PCDHA9: variants seen among roughly 807,000 people sequenced by gnomAD.
PCDHA9 encodes protocadherin alpha 9, also known as protocadherin alpha-9.
PCDHA9 carries 62 observed loss-of-function variants against 62.0 expected under a neutral mutation model. That is an observed-to-expected ratio of 1.00 (90% confidence interval 0.81 to 1.23). The LOEUF (loss-of-function observed/expected upper bound fraction) is 1.23. Among genes scored for constraint, PCDHA9 ranks in the 50% most tolerant of loss-of-function variants. PCDHA9 has a pLI of 0.00. For missense variants in PCDHA9, 1,205 were observed against 1,249.8 expected, an observed-to-expected ratio of 0.96 and a Z score of 0.54; for synonymous variants, 557 against 567.6, an observed-to-expected ratio of 0.98 and a Z score of 0.27.
chr5:140,927,733 C>T (rs782446148), intron 1 of PCDHA9: 7 of 1,614,198 alleles, frequency 4.3e-6, no homozygotes, highest in South Asian at 2.2e-5. Context: ...AGCAGAGCTG[C>T]GACACCGCTT....
intron 1 of PCDHA9, among the ~76,000 whole-genome samples, chr5:140,905,257 C>T (rs920530176): frequency 6.6e-6 from 1 of 152,168 alleles, no homozygotes; most frequent in African/African-American, 2.4e-5. Context: ...CCACATGAGG[C>T]TTGGCAGTTA....
intron 1 of PCDHA9, among the ~76,000 whole-genome samples, chr5:140,924,240 G>T (rs1554201838): frequency 2.6e-5 from 4 of 152,186 alleles, no homozygotes; most frequent in Non-Finnish European, 5.9e-5. Flanking sequence ...GGGCTGTTTT[G>T]CATCCTGGTG....
At chr5:140,955,506 G>A (rs781377705) in intron 1 of PCDHA9, among the ~76,000 whole-genome samples, 3 of 152,222 alleles carry the variant, frequency 2.0e-5, no homozygotes, top group South Asian at 2.1e-4. Flanking sequence ...GAAGAAAGAC[G>A]TGTTTGCTTT....
At chr5:140,949,963 A>G (rs1044562957) in intron 1 of PCDHA9, among the ~76,000 whole-genome samples, 1 of 151,750 alleles carries the variant, frequency 6.6e-6, no homozygotes, top group African/African-American at 2.4e-5. Context: ...TGCTGTAAGG[A>G]TTACAGCATA....
chr5:140,900,518 C>G (rs1444768233), intron 1 of PCDHA9, among the ~76,000 whole-genome samples: 1 of 152,228 alleles, frequency 6.6e-6, no homozygotes, highest in Admixed American at 6.5e-5. Flanking sequence ...CTCAGGTGAT[C>G]TGCCCACCTC....
chr5:140,864,848 T>A (rs1581726954), intron 1 of PCDHA9: 1 of 152,184 alleles, frequency 6.6e-6, no homozygotes, highest in Non-Finnish European at 1.5e-5. Flanking sequence ...AGTCTTCCCA[T>A]ACATGATGAA....
intron 1 of PCDHA9, among the ~76,000 whole-genome samples, chr5:140,894,883 A>ACC (rs1407725642): frequency 6.6e-6 from 1 of 152,200 alleles, no homozygotes; most frequent in African/African-American, 2.4e-5. Flanking sequence ...TTTAGAAGAA[A>ACC]CAGACCAGGA....
rs114567887 is a variant in PCDHA9, at chr5:140,974,104, T to G, written c.2395-4845T>G. The stretch of plus-strand genomic sequence containing the variant: ...GACTTCAAAAATCAAAGGTTAAAAG[T>G]ATTCTTTTGCAGTGTTTTAAATCTG... On this transcript the variant is annotated intron_variant, in intron 1 of 3. Coordinates refer to ENST00000532602, the MANE Select transcript of PCDHA9 (RefSeq NM_031857.2). Among the ~76,000 whole-genome samples, 1,327 of 152,364 alleles carry G rather than the reference T, an allele frequency of 8.7e-3. 24 individuals carry two copies. Among genetic ancestry groups the G allele is most frequent in the African/African-American group, 0.03 (1,240 of 41,584 alleles).
chr5:140,865,075 C>T (rs1441744566), intron 1 of PCDHA9: 2 of 152,110 alleles, frequency 1.3e-5, no homozygotes, highest in African/African-American at 4.8e-5. Flanking sequence ...AGTATAAGAA[C>T]CATGGGATAT....
At chr5:140,980,358 G>A (rs143597147) in intron 2 of PCDHA9, among the ~76,000 whole-genome samples, 260 of 152,274 alleles carry the variant, frequency 1.7e-3, no homozygotes, top group South Asian at 0.014. Context: ...TGGACTGGGC[G>A]CGGTGGCTCA....
chr5:140,901,301 G>A (rs990062811), intron 1 of PCDHA9, among the ~76,000 whole-genome samples: 11 of 152,112 alleles, frequency 7.2e-5, no homozygotes, highest in Non-Finnish European at 1.5e-4. Flanking sequence ...CTGATGTTCC[G>A]GAGAGTTTCC....
chr5:140,978,661 T>A (rs1035787381), intron 1 of PCDHA9, among the ~76,000 whole-genome samples: 15 of 152,246 alleles, frequency 9.9e-5, no homozygotes, highest in Admixed American at 9.8e-4. Context: ...CCGTAGTGTT[T>A]TAAGAACACA....
intron 1 of PCDHA9, among the ~76,000 whole-genome samples, chr5:140,922,408 T>C (rs2080827805): frequency 6.6e-6 from 1 of 152,196 alleles, no homozygotes; most frequent in Non-Finnish European, 1.5e-5. Context: ...ATTAAAAAGA[T>C]CTAGGTACAG....
intron 1 of PCDHA9, chr5:140,863,962 C>T (rs1378381215): frequency 6.4e-6 from 1 of 155,852 alleles, no homozygotes; most frequent in Non-Finnish European, 1.4e-5. Context: ...GATTAGGCCA[C>T]TGCACTACAG....
chr5:140,861,046 A>G (rs2046732410), intron 1 of PCDHA9: 1 of 152,256 alleles, frequency 6.6e-6, no homozygotes, highest in African/African-American at 2.4e-5. Context: ...ATTTTTTTTA[A>G]CAGAAGAAAA....
At position 140,997,506 on chromosome 5, in the gene PCDHA9, T is replaced by A. The variant is rs147089901; in HGVS notation, c.2543-12121T>A. On this transcript the variant is annotated intron_variant, in intron 3 of 3. Coordinates refer to ENST00000532602, the MANE Select transcript of PCDHA9 (RefSeq NM_031857.2). ...AAGTATTTGTGTATCTCAACATACC[T>A]AAACGCAGAAAAAGTACAATAAAAA... Among the ~76,000 whole-genome samples the A allele has an allele frequency of 4.4e-3, 665 of 152,304 alleles. 5 individuals are homozygous for A. Among genetic ancestry groups the A allele is most frequent in the African/African-American group, 0.015 (619 of 41,574 alleles).
intron 3 of PCDHA9, among the ~76,000 whole-genome samples, chr5:140,990,006 G>T (rs1249732911): frequency 1.3e-5 from 2 of 152,116 alleles, no homozygotes; most frequent in Non-Finnish European, 2.9e-5. Flanking sequence ...ATCTCCAAGG[G>T]CGTGGGCTAG....
intron 1 of PCDHA9, chr5:140,968,417 G>T (rs1459159857): frequency 3.7e-6 from 6 of 1,614,036 alleles, no homozygotes; most frequent in Non-Finnish European, 5.1e-6. Flanking sequence ...GACTGTGGAG[G>T]CTCAGGACAA....
At chr5:140,888,956 G>A (rs1043287613) in intron 1 of PCDHA9, among the ~76,000 whole-genome samples, 1 of 151,722 alleles carries the variant, frequency 6.6e-6, no homozygotes, top group Non-Finnish European at 1.5e-5. Context: ...TTTTTCTTTG[G>A]CAATGTTAAT....
Sources: allele counts gnomAD v4.1 joint callset (sites outside exome capture counted in the v4.1 genomes callset), GRCh38; gene constraint gnomAD v4.1.1; transcripts MANE v1.5; gene names NCBI Gene and HGNC (gene_info 2026-07-23, HGNC 2026-07-21).